Variants in PER3 observed in about 807,000 individuals in gnomAD.
PER3 encodes period circadian protein homolog 3.
Under a neutral mutation model 127.2 loss-of-function variants are expected in PER3, and 107 were observed. The ratio of observed to expected loss-of-function variants is 0.84; its 90% CI spans 0.72 to 0.99. The LOEUF is 0.99. Ranked by LOEUF, PER3 falls within the 50% of genes least tolerant of loss-of-function variation. The pLI is 0.00. For missense variants in PER3, 1,560 were observed against 1,525.8 expected, an observed-to-expected ratio of 1.02 and a Z score of -0.37; for synonymous variants, 618 against 585.8, an observed-to-expected ratio of 1.05 and a Z score of -0.79.
intron 13 of PER3, among the ~76,000 whole-genome samples, chr1:7,816,811 A>G (rs559333874): frequency 6.6e-6 from 1 of 152,350 alleles, no homozygotes; most frequent in South Asian, 2.1e-4. Context: ...TAGCAATTCT[A>G]TTCCTAGTGA....
At position 7,826,741 on chromosome 1, in the gene PER3, A is replaced by G. The variant is rs764825893; in HGVS notation, c.2188+31A>G. On this transcript the variant is annotated intron_variant, in intron 17 of 21. Transcript: ENST00000377532. This position sits in a 1 kb window ranked among gnomAD's most constrained non-coding sequence, Gnocchi z 4.2. ...TAATTTTTTAAAAATAAATGCCATT[A>G]ATCTATGTAAATGTTACAAACTGTA... 4 of 1,261,244 alleles carry G rather than the reference A, an allele frequency of 3.2e-6. No homozygotes were observed. The highest frequency in any genetic ancestry group is 4.6e-6 in the Non-Finnish European group (4 of 864,600). The allele number at this position is 1,261,244 out of a possible 1,614,324, so 78.1% of individuals were successfully genotyped here. A position where few individuals can be genotyped will look rare whatever the true frequency, so the allele number is the denominator to read the frequency against.
chr1:7,815,979 C>G, intron 13 of PER3, among the ~76,000 whole-genome samples: 1 of 96,394 alleles, frequency 1.0e-5, no homozygotes. Context: ...GGCGACAGAG[C>G]GGACTCCGTC....
intron 14 of PER3, 135 bp from the exon 15 acceptor site, chr1:7,819,980 A>G (rs1448915726): frequency 2.5e-6 from 2 of 803,652 alleles, no homozygotes; most frequent in Non-Finnish European, 4.1e-6. Context: ...TGAGGCTGGG[A>G]TGGTCAGGGA....
chr1:7,831,064 A>G (rs1021681826), intron 19 of PER3, among the ~76,000 whole-genome samples: 4 of 152,168 alleles, frequency 2.6e-5, no homozygotes, highest in African/African-American at 9.7e-5. Flanking sequence ...TACGTGAATA[A>G]TTATCTTCCT....
intron 20 of PER3, 158 bp from the exon 21 acceptor site, chr1:7,836,841 T>A: frequency 2.0e-6 from 1 of 496,238 alleles, no homozygotes; most frequent in East Asian, 3.0e-5. Context: ...TTTACCAACT[T>A]GAAAAGGAAA....
At chr1:7,809,791 C>A in intron 11 of PER3, 102 bp from the exon 12 acceptor site, 1 of 1,111,438 alleles carries the variant, frequency 9.0e-7, no homozygotes. Flanking sequence ...TTTAGTATTT[C>A]AGGAATTGTC....
At chr1:7,837,658 T>G (rs2097364674) in intron 21 of PER3, among the ~76,000 whole-genome samples, 1 of 152,224 alleles carries the variant, frequency 6.6e-6, no homozygotes, top group Non-Finnish European at 1.5e-5. Flanking sequence ...CAGTAAAGCT[T>G]TGATTTACCA....
chr1:7,813,186 A>G (rs1345582841), intron 13 of PER3, among the ~76,000 whole-genome samples: 4 of 152,190 alleles, frequency 2.6e-5, no homozygotes, highest in Non-Finnish European at 5.9e-5. Context: ...AAGAGACATC[A>G]TTGAGGAAAT....
chr1:7,803,080 C>G lies in PER3; in HGVS notation c.906C>G (p.Asp302Glu), dbSNP rs371546327. 3.0e-5 allele frequency: 48 copies of G among 1,612,884 alleles called. No individual in the cohort carries two copies. Among genetic ancestry groups the G allele is most frequent in the Non-Finnish European group, 4.1e-5 (48 of 1,179,036 alleles). Residue 302 changes from aspartate (D) to glutamate (E), a missense_variant, in exon 9 of 22, where the codon GAC becomes GAG. By Grantham distance (45) the Asp-to-Glu change is conservative. Coordinates refer to ENST00000377532, the MANE Select transcript of PER3 (RefSeq NM_001377275.1). ...AVPLLGYLPQ[D>E]LIGTSILSYL... is the part of the protein sequence containing the mutation. ...CTTTGCTGGGTTACCTACCTCAGGA[C>G]CTGATTGGAACATCGATCCTAAGCT...
rs770201784 is a variant in PER3 at position 7,784,946 on chromosome 1, G to A, written c.69G>A (p.Ser23=). 39 of 1,542,512 alleles carry A rather than the reference G, an allele frequency of 2.5e-5. No individual in the cohort carries two copies. The South Asian group carries it at 4.4e-4, about 17-fold the overall frequency. The change falls in exon 2 of 22, where the codon TCG becomes TCA. Residue 23 remains serine, a synonymous_variant. Transcript: ENST00000377532. ...GAKDEALGEE[S]GERWSPEFHL... ...AGGACGAGGCCCTGGGCGAAGAATC[G>A]GGGGAGCGGTGGAGCCCCGAGTTCC...
chr1:7,815,543 T>G (rs2097244256), intron 13 of PER3, among the ~76,000 whole-genome samples: 1 of 152,210 alleles, frequency 6.6e-6, no homozygotes, highest in African/African-American at 2.4e-5. Context: ...TTTATGTATC[T>G]AATATCAGAG....
Position 7,830,104 on chromosome 1 carries a change from C to T in PER3, c.3157C>T (p.Leu1053=). ...RTPSHPTATV[L]STGSPPSESP... The stretch of plus-strand genomic sequence containing the variant: ...TCCATCCCATCCTACTGCCACTGTT[C>T]TGTCCACGGGGTCACCTCCCAGCGA... Residue 1053 remains leucine, a synonymous_variant, in exon 19 of 22, where the codon CTG becomes TTG. Coordinates refer to ENST00000377532, the MANE Select transcript of PER3 (RefSeq NM_001377275.1). 1.2e-6 allele frequency: 2 copies of T among 1,614,244 alleles called. No individual in the cohort carries two copies. Among genetic ancestry groups the T allele is most frequent in the Non-Finnish European group, 1.7e-6 (2 of 1,180,052 alleles).
chr1:7,827,641 A>G lies in PER3; in HGVS notation c.2712A>G (p.Ser904=), dbSNP rs1448424094. 2 of 1,614,180 alleles carry G rather than the reference A, an allele frequency of 1.2e-6. No homozygotes were observed. Among genetic ancestry groups the G allele is most frequent in the Middle Eastern group, 1.6e-4 (1 of 6,062 alleles). ...AMSPTLDPPP[S]VTSQRREEEK... ...GTCCAACTCTGGACCCACCCCCTTC[A>G]GTCACCAGCCAAAGGAGAGAGGAGG... Residue 904 remains serine, a synonymous_variant, in exon 18 of 22, where the codon TCA becomes TCG. Transcript: ENST00000377532.
At chr1:7,790,079 AT>A (rs1344176702) in intron 5 of PER3, among the ~76,000 whole-genome samples, 1 of 151,996 alleles carries the variant, frequency 6.6e-6, no homozygotes, top group Non-Finnish European at 1.5e-5. Flanking sequence ...GGTCTTTCCC[AT>A]TTTTTCCCCA....
At position 7,845,061 on chromosome 1, in the gene PER3, T is replaced by G. The variant is rs929504821; in HGVS notation, c.*2306T>G. 1.3e-5 allele frequency: 2 copies of G among 152,374 alleles called. No individual in the cohort carries two copies. Among genetic ancestry groups the G allele is most frequent in the African/African-American group, 4.8e-5 (2 of 41,460 alleles). 9.4% of individuals were successfully genotyped at this position (152,374 alleles called of 1,614,324 possible). A position where few individuals can be genotyped will look rare whatever the true frequency, so the allele number is the denominator to read the frequency against. On this transcript the variant is annotated 3_prime_UTR_variant, in exon 22 of 22. Coordinates refer to ENST00000377532, the MANE Select transcript of PER3 (RefSeq NM_001377275.1). The stretch of plus-strand genomic sequence containing the variant: ...GTGTAAATTTAATCCAAACTGAAAT[T>G]TTGTTTCAACTGAATTTGTAATTAA...
At chr1:7,840,530 C>T (rs931465454) in intron 21 of PER3, among the ~76,000 whole-genome samples, 12 of 152,072 alleles carry the variant, frequency 7.9e-5, no homozygotes, top group Admixed American at 7.9e-4. Flanking sequence ...TTTGCCCAGG[C>T]TGGTCTTGAA....
In PER3 at chr1:7,835,934, G is replaced by C; in HGVS notation, c.3387G>C (p.Gln1129His). ...CTGAGCGCATTCTCATGACATACCA[G>C]GTACCTGAGAGGTAAGAAAGCACTT... ...QTPERILMTY[Q>H]VPERVKEVVL... The change falls in exon 20 of 22, where the codon CAG (glutamine) becomes CAC (histidine). Residue 1129 changes from glutamine to histidine, a missense_variant. This residue lies in a region of PER3 where 199 missense variants were observed against 198.6 expected (regional missense o/e 1.00). Transcript: ENST00000377532. 6.3e-7 allele frequency: 1 copy of C among 1,592,112 alleles called. No individual in the cohort carries two copies. Among genetic ancestry groups the C allele is most frequent in the South Asian group, 1.1e-5 (1 of 88,704 alleles).
intron 19 of PER3, among the ~76,000 whole-genome samples, chr1:7,833,929 A>T (rs905707585): frequency 4.1e-5 from 6 of 147,854 alleles, no homozygotes; most frequent in Admixed American, 2.0e-4. Flanking sequence ...ATTTTATCTT[A>T]TTTTTTTCTT....
chr1:7,806,334 G>A (rs1160258391), intron 10 of PER3, among the ~76,000 whole-genome samples: 3 of 152,086 alleles, frequency 2.0e-5, no homozygotes, highest in African/African-American at 2.4e-5. Context: ...GGATCACTTC[G>A]GGAGGAGTGA....
Sources: gnomAD v4.1 joint callset for allele counts (sites outside exome capture counted in the v4.1 genomes callset) on GRCh38, gnomAD v4.1.1 for gene constraint, gnomAD v4.1.1 regional missense constraint, Gnocchi (gnomAD v3.1) non-coding constraint, MANE v1.5 for transcripts, NCBI Gene and HGNC (gene_info 2026-07-23, HGNC 2026-07-21) for gene names.